BAZ1B: variants seen among roughly 807,000 people sequenced by gnomAD.
BAZ1B encodes the protein tyrosine-protein kinase BAZ1B.
A neutral mutation model predicts 153.8 loss-of-function variants in BAZ1B; 22 were observed. The ratio of observed to expected loss-of-function variants is 0.14; its 90% CI spans 0.10 to 0.20. The LOEUF (loss-of-function observed/expected upper bound fraction) is 0.20, where lower values mean the gene tolerates loss of function less well. Ranked by LOEUF, BAZ1B falls within the 10% of genes least tolerant of loss-of-function variation. The pLI is 1.00. For missense variants in BAZ1B, 1,325 were observed against 1,799.3 expected (o/e 0.74, Z 4.77); for synonymous variants, 676 against 633.4 (o/e 1.07, Z -1.01).
At chr7:73,458,776 A>T (rs1554569895) in intron 13 of BAZ1B, among the ~76,000 whole-genome samples, 2 of 152,130 alleles carry the variant, frequency 1.3e-5, no homozygotes, top group African/African-American at 4.8e-5. Context: ...TCACGCTTAC[A>T]ATCAAACTTT....
At chr7:73,503,379 CTTTTT>C (rs782002940) in intron 3 of BAZ1B, among the ~76,000 whole-genome samples, 58 of 151,866 alleles carry the variant, frequency 3.8e-4, no homozygotes, top group Admixed American at 1.3e-3. Context: ...TCCCTTTCCT[CTTTTT>C]TTTGTTTTTG....
In BAZ1B at chr7:73,522,073, G is replaced by T; in HGVS notation, c.-140C>A. 2 of 524,964 alleles carry T rather than the reference G, an allele frequency of 3.8e-6. No individual in the cohort carries two copies. The highest frequency in any genetic ancestry group is 5.8e-6 in the Non-Finnish European group (2 of 342,834). 32.5% of individuals were successfully genotyped at this position (524,964 alleles called of 1,614,324 possible). A position where few individuals can be genotyped will look rare whatever the true frequency, so the allele number is the denominator to read the frequency against. ...GGGTGAGAGGGCGGCGCGAACTCCG[G>T]CTCCCTCACCGCCGGCGCGGCCGCG... is the stretch of plus-strand genomic sequence containing the variant. On this transcript the variant is annotated 5_prime_UTR_variant, in exon 1 of 20. Transcript: ENST00000339594.
At chr7:73,519,495 TA>T (rs1790943340) in intron 1 of BAZ1B, among the ~76,000 whole-genome samples, 1 of 152,318 alleles carries the variant, frequency 6.6e-6, no homozygotes, top group East Asian at 1.9e-4. Context: ...TAATATGTTT[TA>T]AGACTTCTTT....
In BAZ1B at chr7:73,450,752, T is replaced by C. The variant is rs1213187710; in HGVS notation, c.3580+95A>G. ...AAATCTATACCACACTTATATTCTG[T>C]GTACACAAAATTCTTTTGGGTAGAA... is the stretch of plus-strand genomic sequence containing the variant. On this transcript the variant is annotated intron_variant, in intron 14 of 19. Transcript: ENST00000339594. This position sits in a 1 kb window ranked among gnomAD's most constrained non-coding sequence, Gnocchi z 4.1. 2 of 1,427,602 alleles carry C rather than the reference T, an allele frequency of 1.4e-6. No individual in the cohort carries two copies. Among genetic ancestry groups the C allele is most frequent in the African/African-American group, 2.8e-5 (2 of 70,984 alleles). The allele number at this position is 1,427,602 out of a possible 1,614,324, so 88.4% of individuals were successfully genotyped here.
intron 16 of BAZ1B, among the ~76,000 whole-genome samples, chr7:73,444,401 C>T (rs1202059636): frequency 6.6e-6 from 1 of 152,208 alleles, no homozygotes; most frequent in African/African-American, 2.4e-5. Flanking sequence ...CTGCCCCGTC[C>T]TGCAGTTACT....
At chr7:73,461,465 C>T (rs531771080) in intron 12 of BAZ1B, among the ~76,000 whole-genome samples, 1 of 152,028 alleles carries the variant, frequency 6.6e-6, no homozygotes, top group Non-Finnish European at 1.5e-5. Context: ...GAATTTGGCA[C>T]AAAGTAGGCA....
chr7:73,495,247 C>T (rs1316458478), intron 4 of BAZ1B, among the ~76,000 whole-genome samples: 3 of 152,146 alleles, frequency 2.0e-5, no homozygotes, highest in East Asian at 1.9e-4. Flanking sequence ...CGTGCCACTG[C>T]GCTCCAGCCT....
chr7:73,509,324 AAAAC>A (rs376902026), intron 2 of BAZ1B, among the ~76,000 whole-genome samples: 5 of 152,330 alleles, frequency 3.3e-5, no homozygotes, highest in South Asian at 2.1e-4. Context: ...TCAGTCTCAA[AAAAC>A]AAACAAACAA....
intron 3 of BAZ1B, among the ~76,000 whole-genome samples, chr7:73,508,125 A>G (rs1483487808): frequency 6.6e-6 from 1 of 152,224 alleles, no homozygotes; most frequent in Admixed American, 6.5e-5. Flanking sequence ...ACTGCACTCC[A>G]GCCTTGGCGA....
chr7:73,518,249 A>C (rs1229371639), intron 1 of BAZ1B, among the ~76,000 whole-genome samples: 1 of 149,858 alleles, frequency 6.7e-6, no homozygotes, highest in African/African-American at 2.4e-5. Context: ...AAAATACCAA[A>C]AAAAAAAAAA....
intron 15 of BAZ1B, among the ~76,000 whole-genome samples, chr7:73,448,234 G>A (rs782689586): frequency 2.2e-4 from 34 of 152,172 alleles, no homozygotes; most frequent in Non-Finnish European, 4.0e-4. Context: ...AACCTGGGAG[G>A]TGGAAGTTAC....
intron 6 of BAZ1B, among the ~76,000 whole-genome samples, chr7:73,485,894 A>C (rs1487590456): frequency 6.6e-6 from 1 of 152,208 alleles, no homozygotes; most frequent in Non-Finnish European, 1.5e-5. Flanking sequence ...GAGCTCAAAC[A>C]TGATGGAGAC....
intron 3 of BAZ1B, among the ~76,000 whole-genome samples, chr7:73,506,331 T>TACAA (rs1790340188): frequency 1.3e-5 from 2 of 151,874 alleles, no homozygotes; most frequent in African/African-American, 4.8e-5. Flanking sequence ...ACCCCGTCTC[T>TACAA]ATTAAAAATA....
chr7:73,493,385 G>A (rs782300761), intron 4 of BAZ1B, among the ~76,000 whole-genome samples: 10 of 152,224 alleles, frequency 6.6e-5, no homozygotes, highest in South Asian at 2.1e-4. Flanking sequence ...ACTTGAACCC[G>A]GGAGGCAGAG....
At chr7:73,475,073 T>A (rs950549874) in intron 7 of BAZ1B, among the ~76,000 whole-genome samples, 1 of 152,052 alleles carries the variant, frequency 6.6e-6, no homozygotes, top group Admixed American at 6.5e-5. Context: ...AGTCAGAAAA[T>A]AACAAGTATT....
At chr7:73,503,413 T>C (rs1790214895) in intron 3 of BAZ1B, among the ~76,000 whole-genome samples, 1 of 152,156 alleles carries the variant, frequency 6.6e-6, no homozygotes, top group Admixed American at 6.6e-5. Flanking sequence ...TCTTGCTATG[T>C]TGCCCAGGCT....
At chr7:73,519,557 T>C (rs1167454500) in intron 1 of BAZ1B, among the ~76,000 whole-genome samples, 1 of 152,246 alleles carries the variant, frequency 6.6e-6, no homozygotes, top group Non-Finnish European at 1.5e-5. Flanking sequence ...ATGAAGAATG[T>C]TTATTAAATA....
chr7:73,471,869 G>T (rs1788817201), intron 7 of BAZ1B, among the ~76,000 whole-genome samples: 1 of 148,146 alleles, frequency 6.8e-6, no homozygotes, highest in African/African-American at 2.5e-5. Flanking sequence ...AAAGGTAAAT[G>T]ATTAAAAAAA....
At position 73,441,318 on chromosome 7, in the gene BAZ1B, TAGAAA is replaced by T. The variant is rs1488335627; in HGVS notation, c.*386_*390del. 1 of 152,542 alleles carries T rather than the reference TAGAAA, an allele frequency of 6.6e-6. No homozygotes were observed. The highest frequency in any genetic ancestry group is 1.5e-5 in the Non-Finnish European group (1 of 68,028). The allele number at this position is 152,542 out of a possible 1,614,324, so 9.4% of individuals were successfully genotyped here. A position where few individuals can be genotyped will look rare whatever the true frequency, so the allele number is the denominator to read the frequency against. ...GCTGAAACAAGCAACTTTTAATAAC[TAGAAA>T]AGTCAATTTAAAAAAAAAATTAAAC... On this transcript the variant is annotated 3_prime_UTR_variant, in exon 20 of 20. Coordinates refer to ENST00000339594, the MANE Select transcript of BAZ1B (RefSeq NM_032408.4).
Sources: gnomAD v4.1 joint callset for allele counts (sites outside exome capture counted in the v4.1 genomes callset) on GRCh38, gnomAD v4.1.1 for gene constraint, Gnocchi (gnomAD v3.1) non-coding constraint, MANE v1.5 for transcripts, NCBI Gene and HGNC (gene_info 2026-07-23, HGNC 2026-07-21) for gene names.